Variants in ST6GALNAC3 observed in about 807,000 individuals in gnomAD.
The protein encoded by ST6GALNAC3 is ST6 N-acetylgalactosaminide alpha-2,6-sialyltransferase 3.
ST6GALNAC3 carries 25 observed loss-of-function variants against 32.7 expected under a neutral mutation model. That is an observed-to-expected ratio of 0.76 (90% confidence interval 0.56 to 1.07). ST6GALNAC3 has a LOEUF of 1.07. Among genes scored for constraint, ST6GALNAC3 ranks in the 50% least tolerant of loss-of-function variants. The pLI is 0.00. For missense variants in ST6GALNAC3, 355 were observed against 382.4 expected, an observed-to-expected ratio of 0.93 and a Z score of 0.60; for synonymous variants, 129 against 133.1, an observed-to-expected ratio of 0.97 and a Z score of 0.21.
Position 76,634,150 on chromosome 1 carries a change from C to T in ST6GALNAC3, c.*5344C>T, listed in dbSNP as rs1649431137. ...CAGATACATCTCTTTTTGTTCACGC[C>T]TTGAAGACTTCAGAAAAATAGAAGC... On this transcript the variant is annotated 3_prime_UTR_variant, in exon 5 of 5. Coordinates refer to ENST00000328299, the MANE Select transcript of ST6GALNAC3 (RefSeq NM_152996.4). 1 of 984,658 alleles carries T rather than the reference C, an allele frequency of 1.0e-6. No individual in the cohort carries two copies. The highest frequency in any genetic ancestry group is 6.2e-5 in the Admixed American group (1 of 16,198). 61.0% of individuals were successfully genotyped at this position (984,658 alleles called of 1,614,324 possible). A position where few individuals can be genotyped will look rare whatever the true frequency, so the allele number is the denominator to read the frequency against.
intron 3 of ST6GALNAC3, among the ~76,000 whole-genome samples, chr1:76,588,508 A>G (rs1301689141): frequency 1.3e-5 from 2 of 152,248 alleles, no homozygotes; most frequent in African/African-American, 2.4e-5. Flanking sequence ...TGCCATGGAC[A>G]GGATACTGTA....
chr1:76,620,013 C>G (rs1479834766), intron 3 of ST6GALNAC3, among the ~76,000 whole-genome samples: 1 of 152,092 alleles, frequency 6.6e-6, no homozygotes, highest in Non-Finnish European at 1.5e-5. Flanking sequence ...GGAATTACCT[C>G]CTGAATAGCC....
intron 1 of ST6GALNAC3, among the ~76,000 whole-genome samples, chr1:76,111,969 G>A (rs1647987548): frequency 1.3e-5 from 2 of 152,130 alleles, no homozygotes. Flanking sequence ...CTCCCAGACG[G>A]GGTGGTGGCC....
intron 3 of ST6GALNAC3, among the ~76,000 whole-genome samples, chr1:76,601,207 A>C (rs1647223503): frequency 6.6e-6 from 1 of 152,110 alleles, no homozygotes; most frequent in Non-Finnish European, 1.5e-5. Context: ...AAAACAAAGA[A>C]GGAAGGAAGG....
intron 3 of ST6GALNAC3, among the ~76,000 whole-genome samples, chr1:76,476,301 T>TG (rs1659350662): frequency 6.6e-6 from 1 of 152,234 alleles, no homozygotes; most frequent in Non-Finnish European, 1.5e-5. Flanking sequence ...CATACTTCTT[T>TG]GTTATTTCTT....
intron 3 of ST6GALNAC3, among the ~76,000 whole-genome samples, chr1:76,553,545 G>A (rs987044360): frequency 2.0e-5 from 3 of 152,118 alleles, no homozygotes; most frequent in Admixed American, 6.6e-5. Flanking sequence ...TAACTGCCCC[G>A]CATAACTGGG....
At position 76,145,001 on chromosome 1, in the gene ST6GALNAC3, A is replaced by C. The variant is rs115804786; in HGVS notation, c.18+70117A>C. ...GCTTATCTTAAAGTAGCTTGTTCAG[A>C]ACTTGCCTTGTCTCAAGAATCAGCC... On this transcript the variant is annotated intron_variant, in intron 1 of 4. Transcript: ENST00000328299. 7.2e-3 allele frequency among the ~76,000 whole-genome samples: 1,098 copies of C among 152,280 alleles called. 12 individuals carry two copies. The highest frequency in any genetic ancestry group is 0.025 in the African/African-American group (1,036 of 41,536).
intron 3 of ST6GALNAC3, among the ~76,000 whole-genome samples, chr1:76,518,490 T>C (rs1326518281): frequency 1.3e-5 from 2 of 152,102 alleles, no homozygotes; most frequent in Admixed American, 6.6e-5. Flanking sequence ...TTTATTAGGG[T>C]ATTTTTTCTT....
chr1:76,372,140 C>G (rs780990611), intron 2 of ST6GALNAC3, among the ~76,000 whole-genome samples: 5 of 152,034 alleles, frequency 3.3e-5, no homozygotes, highest in African/African-American at 1.2e-4. Flanking sequence ...TGTCCTTGTT[C>G]CATAAGTGTA....
At chr1:76,485,006 T>G (rs1218536364) in intron 3 of ST6GALNAC3, among the ~76,000 whole-genome samples, 3 of 152,216 alleles carry the variant, frequency 2.0e-5, no homozygotes, top group African/African-American at 7.2e-5. Flanking sequence ...TTGGCTCTAT[T>G]TATATGCTGG....
intron 3 of ST6GALNAC3, among the ~76,000 whole-genome samples, chr1:76,440,642 A>G (rs975177779): frequency 6.6e-6 from 1 of 152,218 alleles, no homozygotes; most frequent in Non-Finnish European, 1.5e-5. Context: ...TTAGAGCCTC[A>G]TAAACTATAA....
At chr1:76,141,723 A>C (rs1434210308) in intron 1 of ST6GALNAC3, among the ~76,000 whole-genome samples, 1 of 152,332 alleles carries the variant, frequency 6.6e-6, no homozygotes, top group South Asian at 2.1e-4. Flanking sequence ...CCCATCTGGA[A>C]ATGAAAAGAA....
At chr1:76,615,065 C>T (rs953128100) in intron 3 of ST6GALNAC3, among the ~76,000 whole-genome samples, 7 of 151,894 alleles carry the variant, frequency 4.6e-5, no homozygotes, top group Non-Finnish European at 7.4e-5. Context: ...TTCAGGAGTA[C>T]GAAGATGATG....
chr1:76,582,854 A>T (rs1396709925), intron 3 of ST6GALNAC3, among the ~76,000 whole-genome samples: 2 of 151,756 alleles, frequency 1.3e-5, no homozygotes, highest in Non-Finnish European at 2.9e-5. Flanking sequence ...ACTCTTTCCT[A>T]TTTCTCTCAT....
intron 1 of ST6GALNAC3, among the ~76,000 whole-genome samples, chr1:76,106,604 A>G (rs1647552829): frequency 6.6e-6 from 1 of 152,148 alleles, no homozygotes; most frequent in Admixed American, 6.5e-5. Context: ...TGAAGCAGTC[A>G]TGTCACTTGG....
chr1:76,259,799 A>G lies in ST6GALNAC3; in HGVS notation c.19-54006A>G, dbSNP rs556614686. Among the ~76,000 whole-genome samples, 6 of 152,120 alleles carry G rather than the reference A, an allele frequency of 3.9e-5. No homozygotes were observed. In the East Asian group the frequency reaches 1.2e-3, roughly 29 times the overall value. On this transcript the variant is annotated intron_variant, in intron 1 of 4. Coordinates refer to ENST00000328299, the MANE Select transcript of ST6GALNAC3 (RefSeq NM_152996.4). ...TTTCACTGTTGATGAGCTTGTATTT[A>G]TTTTCTTTGGTTTACAAAGCAGCTG...
intron 3 of ST6GALNAC3, among the ~76,000 whole-genome samples, chr1:76,492,499 GT>G (rs1660562440): frequency 6.6e-6 from 1 of 152,090 alleles, no homozygotes. Flanking sequence ...GTTTGCCCAG[GT>G]TTGAAAGAAA....
At chr1:76,525,806 T>TATATAC (rs1662866951) in intron 3 of ST6GALNAC3, among the ~76,000 whole-genome samples, 1 of 81,022 alleles carries the variant, frequency 1.2e-5, no homozygotes, top group Admixed American at 1.2e-4. Flanking sequence ...TATATATATA[T>TATATAC]ATATATATAT....
intron 2 of ST6GALNAC3, 35 bp downstream of exon 2, chr1:76,314,034 G>A: frequency 6.3e-7 from 1 of 1,581,230 alleles, no homozygotes; most frequent in South Asian, 1.2e-5. Flanking sequence ...CAGTTGGAGA[G>A]TATCCATGGT....
Sources: allele counts gnomAD v4.1 joint callset (sites outside exome capture counted in the v4.1 genomes callset), GRCh38; gene constraint gnomAD v4.1.1; transcripts MANE v1.5; gene names NCBI Gene and HGNC (gene_info 2026-07-23, HGNC 2026-07-21).